ELMO1: variants seen among roughly 807,000 people sequenced by gnomAD.
ELMO1 encodes engulfment and cell motility 1.
Under a neutral mutation model 98.9 loss-of-function variants are expected in ELMO1, and 26 were observed. The observed-to-expected ratio is 0.26, with a 90% CI of 0.19 to 0.36. ELMO1 has a LOEUF of 0.36. Ranked by LOEUF, ELMO1 falls within the 10% of genes least tolerant of loss-of-function variation. The probability of loss-of-function intolerance (pLI) is 1.00; values close to 1 mark genes in which losing one functional copy is unlikely to be tolerated. For synonymous variants in ELMO1, 346 were observed against 346.0 expected (o/e 1.00, Z 0.00); for missense variants, 627 against 935.2 (o/e 0.67, Z 4.30).
chr7:37,209,571 G>C (rs1390795520), intron 13 of ELMO1, among the ~76,000 whole-genome samples: 3 of 152,192 alleles, frequency 2.0e-5, no homozygotes, highest in Admixed American at 6.5e-5. Flanking sequence ...TACATGCCCT[G>C]ATTCTTCCTT....
intron 1 of ELMO1, among the ~76,000 whole-genome samples, chr7:37,437,192 C>T (rs779922305): frequency 6.6e-6 from 1 of 152,166 alleles, no homozygotes; most frequent in Non-Finnish European, 1.5e-5. Flanking sequence ...GGGTTTCTCC[C>T]AGGGCCCCTG....
In ELMO1 at chr7:37,224,943, G is replaced by A. The variant is rs1283332262; in HGVS notation, c.637C>T (p.His213Tyr). The change falls in exon 9 of 22, where the codon CAT (histidine) becomes TAT (tyrosine). Residue 213 changes from histidine to tyrosine, a missense_variant. This residue lies in a region of ELMO1 where 492 missense variants were observed against 715.6 expected (regional missense o/e 0.69). Transcript: ENST00000310758. Reference protein sequence around the residue: ...AILESMVLNSHDLYQKVAQEI... With the variant: ...AILESMVLNSYDLYQKVAQEI... ...TGCGCCACTTTCTGGTAGAGGTCAT[G>A]GCTATTGAGCACCATCGACTCCAAA... 1.2e-6 allele frequency: 2 copies of A among 1,614,144 alleles called. No individual in the cohort carries two copies. Among genetic ancestry groups the A allele is most frequent in the Non-Finnish European group, 1.7e-6 (2 of 1,180,004 alleles).
At chr7:37,063,508 G>A (rs545979062) in intron 15 of ELMO1, among the ~76,000 whole-genome samples, 1 of 152,226 alleles carries the variant, frequency 6.6e-6, no homozygotes, top group African/African-American at 2.4e-5. Context: ...CAACAAATTA[G>A]TTTTGGAACT....
At chr7:36,997,125 T>C (rs969338436) in intron 16 of ELMO1, among the ~76,000 whole-genome samples, 1 of 151,764 alleles carries the variant, frequency 6.6e-6, no homozygotes, top group Admixed American at 6.6e-5. Context: ...CAAGAGATGA[T>C]GGTGGCGGGA....
At chr7:37,201,762 G>A (rs749202614) in intron 13 of ELMO1, among the ~76,000 whole-genome samples, 8 of 152,342 alleles carry the variant, frequency 5.3e-5, no homozygotes, top group South Asian at 2.1e-4. Flanking sequence ...GTGTGTTTGC[G>A]CCATCTGGTG....
In ELMO1 at chr7:37,153,267, C is replaced by G. The variant is rs548490203; in HGVS notation, c.1087-20033G>C. Among the ~76,000 whole-genome samples the G allele has an allele frequency of 3.9e-5, 6 of 152,276 alleles. No individual in the cohort carries two copies. In the South Asian group the frequency reaches 1.2e-3, roughly 32 times the overall value. The stretch of plus-strand genomic sequence containing the variant: ...ACATTTCCAACTGAGGTACCTGGTT[C>G]ATCTCACTGGGACTGGTTGAATAGT... On this transcript the variant is annotated intron_variant, in intron 13 of 21. Transcript: ENST00000310758.
intron 15 of ELMO1, 68 bp from the exon 16 acceptor site, chr7:37,013,503 G>A: frequency 1.3e-6 from 2 of 1,561,496 alleles, no homozygotes; most frequent in Non-Finnish European, 1.7e-6. Flanking sequence ...CATAACCACA[G>A]GTATGTGCCC....
chr7:37,060,940 T>A (rs1443253006), intron 15 of ELMO1, among the ~76,000 whole-genome samples: 5 of 150,634 alleles, frequency 3.3e-5, no homozygotes, highest in African/African-American at 7.5e-5. Flanking sequence ...GCTCCTACAC[T>A]AAGATTCCGA....
chr7:36,866,875 G>T (rs1003238125), intron 20 of ELMO1, among the ~76,000 whole-genome samples: 1 of 152,160 alleles, frequency 6.6e-6, no homozygotes, highest in African/African-American at 2.4e-5. Context: ...AGACAGGAGG[G>T]CACCTCTGGA....
At chr7:37,278,076 C>G (rs1266140575) in intron 4 of ELMO1, among the ~76,000 whole-genome samples, 1 of 144,730 alleles carries the variant, frequency 6.9e-6, no homozygotes, top group African/African-American at 2.5e-5. Flanking sequence ...TTCCAATTCT[C>G]AATAAATTCT....
At chr7:36,887,700 A>G (rs1216627952) in intron 17 of ELMO1, 28 bp from the exon 18 acceptor site, 2 of 1,607,240 alleles carry the variant, frequency 1.2e-6, no homozygotes, top group South Asian at 1.1e-5. Flanking sequence ...CATATTCCAC[A>G]GCATGCCTTG....
At chr7:37,326,851 T>C (rs1799847641) in intron 2 of ELMO1, among the ~76,000 whole-genome samples, 1 of 152,216 alleles carries the variant, frequency 6.6e-6, no homozygotes, top group Non-Finnish European at 1.5e-5. Flanking sequence ...TCAGCAGACA[T>C]TGTATTTCCC....
chr7:37,061,309 C>T (rs1175995755), intron 15 of ELMO1, among the ~76,000 whole-genome samples: 1 of 152,126 alleles, frequency 6.6e-6, no homozygotes, highest in Non-Finnish European at 1.5e-5. Context: ...ATAGAGTTAG[C>T]CTTCCTTCAA....
intron 16 of ELMO1, among the ~76,000 whole-genome samples, chr7:36,990,286 G>A (rs141352460): frequency 1.7e-3 from 257 of 152,314 alleles, no homozygotes; most frequent in Non-Finnish European, 3.1e-3. Flanking sequence ...GCCTCAAAAA[G>A]AGGGAAACCT....
intron 13 of ELMO1, among the ~76,000 whole-genome samples, chr7:37,159,552 T>C (rs1789050443): frequency 6.6e-6 from 1 of 151,968 alleles, no homozygotes; most frequent in Admixed American, 6.6e-5. Flanking sequence ...ATACAAAAAT[T>C]AGCCAGGCGT....
chr7:37,137,596 G>T (rs1284974399), intron 13 of ELMO1, among the ~76,000 whole-genome samples: 1 of 151,692 alleles, frequency 6.6e-6, no homozygotes, highest in East Asian at 1.9e-4. Context: ...GGAATACAGT[G>T]GTGCAATCTC....
At chr7:37,192,919 AT>A (rs1791697928) in intron 13 of ELMO1, among the ~76,000 whole-genome samples, 3 of 142,884 alleles carry the variant, frequency 2.1e-5, no homozygotes, top group African/African-American at 7.8e-5. Context: ...TATTTTATAT[AT>A]TATATATAAT....
At chr7:37,250,445 T>C (rs1360857999) in intron 6 of ELMO1, among the ~76,000 whole-genome samples, 1 of 152,146 alleles carries the variant, frequency 6.6e-6, no homozygotes, top group African/African-American at 2.4e-5. Context: ...ACACTACAAA[T>C]TATTCTTATT....
In ELMO1 at chr7:37,021,436, G is replaced by C. The variant is rs1292635433; in HGVS notation, c.1301-8001C>G. 4.6e-5 allele frequency among the ~76,000 whole-genome samples: 7 copies of C among 152,016 alleles called. No individual in the cohort carries two copies. In the South Asian group the frequency reaches 1.5e-3, roughly 32 times the overall value. On this transcript the variant is annotated intron_variant, in intron 15 of 21. Transcript: ENST00000310758. ...CCCTTGGGCCTTTTTTGAGGACATG[G>C]AGAGAGGAAAAAAAATACCGACTAG...
Sources: gnomAD v4.1 joint callset for allele counts (sites outside exome capture counted in the v4.1 genomes callset) on GRCh38, gnomAD v4.1.1 for gene constraint, gnomAD v4.1.1 regional missense constraint, MANE v1.5 for transcripts, NCBI Gene and HGNC (gene_info 2026-07-23, HGNC 2026-07-21) for gene names.